The following DMXL1 variants were observed in gnomAD, a reference collection of about 807,000 sequenced individuals.
The protein encoded by DMXL1 is Dmx like 1, also known as dmX-like protein 1.
A neutral mutation model predicts 319.2 loss-of-function variants in DMXL1; 99 were observed. The ratio of observed to expected loss-of-function variants is 0.31; its 90% CI spans 0.26 to 0.37. The LOEUF (loss-of-function observed/expected upper bound fraction) is 0.37, where lower values mean the gene tolerates loss of function less well. Among genes scored for constraint, DMXL1 ranks in the 10% least tolerant of loss-of-function variants. The pLI is 1.00. For synonymous variants in DMXL1, 1,385 were observed against 1,235.2 expected, an observed-to-expected ratio of 1.12 and a Z score of -2.54; for missense variants, 3,745 against 3,595.6, an observed-to-expected ratio of 1.04 and a Z score of -1.06.
At position 119,114,143 on chromosome 5, in the gene DMXL1, G is replaced by A. The variant is rs768754585; in HGVS notation, c.498-332G>A. Among the ~76,000 whole-genome samples, 5 of 152,194 alleles carry A rather than the reference G, an allele frequency of 3.3e-5. No individual in the cohort carries two copies. In the South Asian group the frequency reaches 8.3e-4, roughly 25 times the overall value. On this transcript the variant is annotated intron_variant, in intron 5 of 43. Coordinates refer to ENST00000539542, the MANE Select transcript of DMXL1 (RefSeq NM_001290321.3). ...ATATTATCCATGAAAATGTATGTTGGCATATAGGGATCCATGGTTCTGGAA... is the reference window on the plus strand; with the variant it reads ...ATATTATCCATGAAAATGTATGTTGACATATAGGGATCCATGGTTCTGGAA...
At chr5:119,110,341 A>G (rs1235925552) in intron 5 of DMXL1, 58 bp downstream of exon 5, 1 of 1,419,990 alleles carries the variant, frequency 7.0e-7, no homozygotes, top group Non-Finnish European at 9.3e-7. Flanking sequence ...TGGTTTTATT[A>G]TAAATGTATT....
intron 42 of DMXL1, among the ~76,000 whole-genome samples, chr5:119,244,073 G>C (rs1789289058): frequency 6.6e-6 from 1 of 152,116 alleles, no homozygotes. Context: ...GGCTGGTACG[G>C]AACCAGTTCA....
intron 1 of DMXL1, among the ~76,000 whole-genome samples, chr5:119,076,330 TTTTG>T (rs1488523145): frequency 1.3e-5 from 2 of 152,184 alleles, no homozygotes; most frequent in East Asian, 3.8e-4. Context: ...TTTAGCTCTG[TTTTG>T]TTTACTTTAA....
At chr5:119,132,758 A>T (rs969948640) in intron 10 of DMXL1, 3 of 539,648 alleles carry the variant, frequency 5.6e-6, no homozygotes, top group Non-Finnish European at 1.1e-5. Flanking sequence ...TATGAAACTC[A>T]CCACCAAAGG....
chr5:119,181,426 G>A (rs1776750134), intron 28 of DMXL1, among the ~76,000 whole-genome samples: 1 of 152,114 alleles, frequency 6.6e-6, no homozygotes, highest in African/African-American at 2.4e-5. Context: ...AAGAAAACAT[G>A]AATGGTACGA....
intron 1 of DMXL1, among the ~76,000 whole-genome samples, chr5:119,072,538 T>TA (rs918388830): frequency 3.9e-5 from 6 of 152,074 alleles, no homozygotes; most frequent in East Asian, 1.9e-4. Flanking sequence ...CTTTTTTCTT[T>TA]AAAAAAAATA....
At chr5:119,143,667 C>G (rs754644751) in intron 13 of DMXL1, among the ~76,000 whole-genome samples, 174 bp from the exon 14 acceptor site, 1 of 151,582 alleles carries the variant, frequency 6.6e-6, no homozygotes, top group Non-Finnish European at 1.5e-5. Flanking sequence ...CTTTTTCATT[C>G]GTTTGTTAAT....
chr5:119,220,501 C>T lies in DMXL1; in HGVS notation c.8043C>T (p.Ser2681=), dbSNP rs754692797. 17 of 1,613,810 alleles carry T rather than the reference C, an allele frequency of 1.1e-5. No homozygotes were observed. The highest frequency in any genetic ancestry group is 1.4e-5 in the Non-Finnish European group (17 of 1,179,846). ...KANRNCIAIA[S]SHDVQELDVS... is the part of the protein sequence containing the mutation. Reference sequence around the variant, plus strand: ...ATAGAAACTGCATAGCAATCGCTTCCAGTCATGATGTTCAAGAACTGGATG... The same window carrying T: ...ATAGAAACTGCATAGCAATCGCTTCTAGTCATGATGTTCAAGAACTGGATG... Residue 2681 remains serine (S), a synonymous_variant, in exon 36 of 44, where the codon TCC becomes TCT. Coordinates refer to ENST00000539542, the MANE Select transcript of DMXL1 (RefSeq NM_001290321.3).
At chr5:119,245,182 C>G (rs1456412739) in intron 43 of DMXL1, among the ~76,000 whole-genome samples, 1 of 152,174 alleles carries the variant, frequency 6.6e-6, no homozygotes, top group Non-Finnish European at 1.5e-5. Flanking sequence ...ATTTTAATAA[C>G]ACACCTAGTA....
intron 31 of DMXL1, among the ~76,000 whole-genome samples, chr5:119,196,740 A>G (rs1276262110): frequency 6.6e-6 from 1 of 152,158 alleles, no homozygotes; most frequent in South Asian, 2.1e-4. Context: ...GGATTTTACA[A>G]TGGAGAGAAA....
In DMXL1 at chr5:119,122,175, C is replaced by T. The variant is rs545835619; in HGVS notation, c.1102+1036C>T. Among the ~76,000 whole-genome samples, 403 of 135,600 alleles carry T rather than the reference C, an allele frequency of 3.0e-3. 2 individuals are homozygous for T. Among genetic ancestry groups the T allele is most frequent in the African/African-American group, 0.011 (388 of 36,040 alleles). The allele number at this position is 135,600 out of a possible 152,430, so 89.0% of individuals were successfully genotyped here. On this transcript the variant is annotated intron_variant, in intron 9 of 43. Coordinates refer to ENST00000539542, the MANE Select transcript of DMXL1 (RefSeq NM_001290321.3). The stretch of plus-strand genomic sequence containing the variant: ...CTCCCTCCCAGACGGGGCGGCTGGC[C>T]GGGCAGAGTGGCTCCTCACTTCCCA...
In DMXL1 at chr5:119,129,358, T is replaced by G. The variant is rs1764297615; in HGVS notation, c.1250T>G (p.Phe417Cys). ...EVFLQQLRKS[F>C]EQPSSEASVE... ...TTTTTACAGCAACTTAGAAAAAGTT[T>G]TGAACAACCATCTTCTGAGGCCAGT... is the stretch of plus-strand genomic sequence containing the variant. Residue 417 changes from phenylalanine to cysteine, a missense_variant, in exon 10 of 44, where the codon TTT becomes TGT. Transcript: ENST00000539542. 1 of 1,613,854 alleles carries G rather than the reference T, an allele frequency of 6.2e-7. No homozygotes were observed. The highest frequency in any genetic ancestry group is 8.5e-7 in the Non-Finnish European group (1 of 1,179,886).
chr5:119,123,241 G>A (rs867975167), intron 9 of DMXL1, among the ~76,000 whole-genome samples: 3 of 151,828 alleles, frequency 2.0e-5, no homozygotes, highest in Non-Finnish European at 4.4e-5. Flanking sequence ...GCAGTGAGCC[G>A]AGATGGCGGC....
chr5:119,212,037 T>A (rs1782892729), intron 34 of DMXL1, among the ~76,000 whole-genome samples: 1 of 152,170 alleles, frequency 6.6e-6, no homozygotes, highest in Non-Finnish European at 1.5e-5. Context: ...TCTGCATAAT[T>A]CCTTTTTGTG....
At chr5:119,154,392 A>G (rs1328897657) in intron 19 of DMXL1, among the ~76,000 whole-genome samples, 1 of 152,258 alleles carries the variant, frequency 6.6e-6, no homozygotes, top group Non-Finnish European at 1.5e-5. Context: ...GAACACATAA[A>G]TGATAAGAAA....
At chr5:119,120,929 C>G in intron 8 of DMXL1, 42 bp from the exon 9 acceptor site, 1 of 1,521,824 alleles carries the variant, frequency 6.6e-7, no homozygotes, top group Non-Finnish European at 8.9e-7. Context: ...ACGTGTATGA[C>G]TTTTGACAAT....
chr5:119,135,096 T>G (rs1168666406), intron 13 of DMXL1, among the ~76,000 whole-genome samples: 4 of 152,228 alleles, frequency 2.6e-5, no homozygotes, highest in African/African-American at 7.2e-5. Context: ...TTTCTGTAAG[T>G]TAATTTTAAT....
At chr5:119,100,002 A>T (rs929717277) in intron 2 of DMXL1, among the ~76,000 whole-genome samples, 2 of 152,130 alleles carry the variant, frequency 1.3e-5, no homozygotes, top group Non-Finnish European at 2.9e-5. Flanking sequence ...CCCCATCTCT[A>T]CAAAGAAAAA....
chr5:119,197,924 A>C lies in DMXL1; in HGVS notation c.7713A>C (p.Lys2571Asn). The stretch of plus-strand genomic sequence containing the variant: ...CAGGTCCTGCAATTCTTCGCCACAA[A>C]GCTTTACTGGAACCTACAAACACTC... The part of the protein sequence containing the change: ...LSAGPAILRH[K>N]ALLEPTNTPF... The change falls in exon 32 of 44, where the codon AAA becomes AAC. Residue 2571 changes from lysine to asparagine, a missense_variant. Physicochemically the swap from Lys to Asn is moderately conservative, Grantham distance 94. Around this residue, in one of 4 missense-constraint regions of DMXL1, gnomAD observed 1,382 missense variants for 1,269.5 expected, o/e 1.09. Coordinates refer to ENST00000539542, the MANE Select transcript of DMXL1 (RefSeq NM_001290321.3). 2 of 1,614,136 alleles carry C rather than the reference A, an allele frequency of 1.2e-6. No homozygotes were observed. Among genetic ancestry groups the C allele is most frequent in the Non-Finnish European group, 1.7e-6 (2 of 1,180,024 alleles).
Sources: gnomAD v4.1 joint callset for allele counts (sites outside exome capture counted in the v4.1 genomes callset) on GRCh38, gnomAD v4.1.1 for gene constraint, gnomAD v4.1.1 regional missense constraint, MANE v1.5 for transcripts, NCBI Gene and HGNC (gene_info 2026-07-23, HGNC 2026-07-21) for gene names.